The following MTA3 variants were observed in gnomAD, a reference collection of about 807,000 sequenced individuals.
The protein encoded by MTA3 is metastasis-associated protein MTA3.
A neutral mutation model predicts 83.5 loss-of-function variants in MTA3; 34 were observed. The observed-to-expected ratio is 0.41, with a 90% confidence interval of 0.31 to 0.54. The LOEUF is 0.54. MTA3 is among the 20% of genes least tolerant of loss of function. The pLI, the probability that MTA3 is intolerant of heterozygous loss-of-function variation, is 0.33. For synonymous variants in MTA3, 303 were observed against 252.7 expected (o/e 1.20, Z -1.89); for missense variants, 761 against 726.4 (o/e 1.05, Z -0.55).
chr2:42,717,083 A>C (rs1667080124), intron 14 of MTA3, among the ~76,000 whole-genome samples: 1 of 151,474 alleles, frequency 6.6e-6, no homozygotes, highest in Non-Finnish European at 1.5e-5. Flanking sequence ...AATTTTTAAA[A>C]AATGCTCTTT....
chr2:42,635,570 G>A (rs1409023992), intron 4 of MTA3, among the ~76,000 whole-genome samples: 2 of 152,028 alleles, frequency 1.3e-5, no homozygotes, highest in Non-Finnish European at 1.5e-5. Flanking sequence ...GGAGGCTGCA[G>A]TAAGGATAAG....
intron 12 of MTA3, among the ~76,000 whole-genome samples, chr2:42,706,485 T>A (rs1372852724): frequency 6.6e-6 from 1 of 152,176 alleles, no homozygotes; most frequent in Admixed American, 6.5e-5. Flanking sequence ...TAAACATGAA[T>A]ATAATGGTCT....
chr2:42,653,558 G>T (rs1407164470), intron 6 of MTA3, among the ~76,000 whole-genome samples: 1 of 152,184 alleles, frequency 6.6e-6, no homozygotes, highest in Non-Finnish European at 1.5e-5. Context: ...AGTTTGAAAT[G>T]ATCGTTTGAT....
At chr2:42,717,900 A>G (rs1280961876) in intron 14 of MTA3, among the ~76,000 whole-genome samples, 3 of 152,150 alleles carry the variant, frequency 2.0e-5, no homozygotes, top group African/African-American at 7.2e-5. Flanking sequence ...TGTCATTTCA[A>G]TCTTACGTTA....
chr2:42,698,244 C>T (rs1693560861), intron 11 of MTA3, among the ~76,000 whole-genome samples: 1 of 151,990 alleles, frequency 6.6e-6, no homozygotes, highest in African/African-American at 2.4e-5. Flanking sequence ...TTCTTGGTTC[C>T]AATGGCAATT....
chr2:42,641,664 G>T (rs1022773418), intron 5 of MTA3, among the ~76,000 whole-genome samples: 1 of 152,050 alleles, frequency 6.6e-6, no homozygotes, highest in Non-Finnish European at 1.5e-5. Flanking sequence ...TGACCAACGT[G>T]GTGAAAGCCT....
intron 6 of MTA3, among the ~76,000 whole-genome samples, chr2:42,646,932 G>A (rs549029741): frequency 2.6e-5 from 4 of 152,030 alleles, no homozygotes; most frequent in South Asian, 4.2e-4. Context: ...CGAGGCAGGC[G>A]GATCACGAGG....
intron 2 of MTA3, among the ~76,000 whole-genome samples, chr2:42,508,435 G>A (rs928606936): frequency 2.6e-5 from 4 of 151,860 alleles, no homozygotes; most frequent in Non-Finnish European, 5.9e-5. Context: ...GGGCTCAAGC[G>A]ATCCTCCCAC....
chr2:42,503,459 G>A (rs931246696), intron 2 of MTA3, among the ~76,000 whole-genome samples: 7 of 151,994 alleles, frequency 4.6e-5, no homozygotes, highest in East Asian at 1.9e-4. Context: ...ATGCCTAACC[G>A]TCTGGGAATG....
chr2:42,524,992 T>C (rs1572922455), intron 2 of MTA3, among the ~76,000 whole-genome samples: 1 of 149,718 alleles, frequency 6.7e-6, no homozygotes, highest in South Asian at 2.1e-4. Context: ...AGTTTTAGGG[T>C]ACATGTGCAC....
intron 4 of MTA3, among the ~76,000 whole-genome samples, chr2:42,622,645 TAAAAAAA>T (rs1685695635): frequency 6.6e-6 from 1 of 152,108 alleles, no homozygotes; most frequent in South Asian, 2.1e-4. Flanking sequence ...GGAATCTTTT[TAAAAAAA>T]TTTTTGCCTA....
chr2:42,548,887 A>G (rs1676935142), intron 2 of MTA3, among the ~76,000 whole-genome samples: 1 of 67,174 alleles, frequency 1.5e-5, no homozygotes, highest in Non-Finnish European at 2.7e-5. Context: ...ATATATATAT[A>G]TATATCAGCG....
intron 2 of MTA3, among the ~76,000 whole-genome samples, chr2:42,556,974 C>T (rs952382925): frequency 3.9e-5 from 6 of 152,160 alleles, no homozygotes; most frequent in South Asian, 2.1e-4. Context: ...CCCTACGAAA[C>T]GCTGGAAACT....
Position 42,722,914 on chromosome 2 carries a change from T to G in MTA3, c.1638T>G (p.Asn546Lys), listed in dbSNP as rs951503343. ...AGATCCATCCTGCAAAGAAACCTAA[T>G]GTAATTCGATCTACACCAAGCCTGC... ...YLEIHPAKKP[N>K]VIRSTPSLQT... The change falls in exon 16 of 17, where the codon AAT (asparagine) becomes AAG (lysine). Residue 546 changes from asparagine (N) to lysine (K), a missense_variant. Transcript: ENST00000405094. 30 of 1,511,032 alleles carry G rather than the reference T, an allele frequency of 2.0e-5. No individual in the cohort carries two copies. Among genetic ancestry groups the G allele is most frequent in the Non-Finnish European group, 2.7e-5 (30 of 1,127,458 alleles). 93.6% of individuals were successfully genotyped at this position (1,511,032 alleles called of 1,614,324 possible). A position where few individuals can be genotyped will look rare whatever the true frequency, so the allele number is the denominator to read the frequency against.
At chr2:42,620,419 C>A (rs1369110973) in intron 4 of MTA3, among the ~76,000 whole-genome samples, 1 of 151,988 alleles carries the variant, frequency 6.6e-6, no homozygotes, top group Non-Finnish European at 1.5e-5. Flanking sequence ...CGTGCCCTGC[C>A]GACATCACAC....
At chr2:42,653,339 T>C (rs1688883164) in intron 6 of MTA3, among the ~76,000 whole-genome samples, 1 of 152,162 alleles carries the variant, frequency 6.6e-6, no homozygotes, top group Non-Finnish European at 1.5e-5. Flanking sequence ...AACATTAACA[T>C]GGAATTAATC....
intron 8 of MTA3, among the ~76,000 whole-genome samples, chr2:42,672,337 C>T: frequency 7.0e-6 from 1 of 143,484 alleles, no homozygotes; most frequent in Admixed American, 6.9e-5. Flanking sequence ...AAGTCCTCCT[C>T]TCTATTAAAA....
At chr2:42,525,330 G>C (rs1042778768) in intron 2 of MTA3, among the ~76,000 whole-genome samples, 2 of 151,976 alleles carry the variant, frequency 1.3e-5, no homozygotes, top group East Asian at 3.9e-4. Flanking sequence ...CTCCTGAGTA[G>C]CTGGGATTAC....
At chr2:42,724,379 GTGGCTTATGCTTGTAATCCCAACACTT>G (rs1278745906) in intron 16 of MTA3, among the ~76,000 whole-genome samples, 1 of 149,410 alleles carries the variant, frequency 6.7e-6, no homozygotes, top group Non-Finnish European at 1.5e-5. Context: ...GCCAGGTCCA[GTGGCTTATGCTTGTAATCCCAACACTT>G]TGGGAGGCTG....
Sources: allele counts gnomAD v4.1 joint callset (sites outside exome capture counted in the v4.1 genomes callset), GRCh38; gene constraint gnomAD v4.1.1; transcripts MANE v1.5; gene names NCBI Gene and HGNC (gene_info 2026-07-23, HGNC 2026-07-21).